Variants in FIGN observed in about 807,000 individuals in gnomAD.
The protein encoded by FIGN is fidgetin.
FIGN carries 11 observed loss-of-function variants against 51.3 expected under a neutral mutation model. The observed-to-expected ratio is 0.21, with a 90% CI of 0.13 to 0.35. FIGN has a LOEUF of 0.35. Ranked by LOEUF, FIGN falls within the 10% of genes least tolerant of loss-of-function variation. The pLI is 1.00. For missense variants in FIGN, 857 were observed against 943.6 expected (o/e 0.91, Z 1.20); for synonymous variants, 407 against 363.2 (o/e 1.12, Z -1.37).
chr2:163,610,968 G>C lies in FIGN; in HGVS notation c.864C>G (p.Thr288=). The C allele has an allele frequency of 6.2e-7, 1 of 1,613,936 alleles. No individual in the cohort carries two copies. The highest frequency in any genetic ancestry group is 2.2e-5 in the East Asian group (1 of 44,836). Residue 288 remains threonine, a synonymous_variant, in exon 3 of 3, where the codon ACC becomes ACG. Coordinates refer to ENST00000333129, the MANE Select transcript of FIGN (RefSeq NM_018086.4). ...GIPAPTPLPP[T]TVPGYTYQGH... is the part of the protein sequence containing the mutation. ...CCTGGTAGGTGTAGCCAGGAACAGT[G>C]GTGGGGGGTAGGGGGGTGGGAGCAG... is the stretch of plus-strand genomic sequence containing the variant.
intron 2 of FIGN, among the ~76,000 whole-genome samples, chr2:163,663,242 T>TG (rs1683719553): frequency 6.6e-6 from 1 of 152,082 alleles, no homozygotes; most frequent in South Asian, 2.1e-4. Flanking sequence ...GTTGGTTTTT[T>TG]TTTTTTGAAG....
intron 2 of FIGN, among the ~76,000 whole-genome samples, chr2:163,667,097 T>C (rs1431432236): frequency 6.6e-6 from 1 of 152,092 alleles, no homozygotes; most frequent in African/African-American, 2.4e-5. Flanking sequence ...GAGGCATAGT[T>C]TCCAGAAATA....
At chr2:163,647,889 G>C (rs1396190770) in intron 2 of FIGN, among the ~76,000 whole-genome samples, 1 of 152,148 alleles carries the variant, frequency 6.6e-6, no homozygotes, top group Non-Finnish European at 1.5e-5. Context: ...TATGTAGAGA[G>C]ACGGAGAGAT....
At chr2:163,723,197 A>C (rs2105364326) in intron 2 of FIGN, among the ~76,000 whole-genome samples, 1 of 151,486 alleles carries the variant, frequency 6.6e-6, no homozygotes, top group Middle Eastern at 3.4e-3. Flanking sequence ...TCTCAAAAAT[A>C]ATAATAATAA....
At chr2:163,698,933 A>C (rs1159648627) in intron 2 of FIGN, among the ~76,000 whole-genome samples, 2 of 152,184 alleles carry the variant, frequency 1.3e-5, no homozygotes, top group Admixed American at 6.6e-5. Flanking sequence ...AACAAAATAC[A>C]TGGAAAAGAA....
At chr2:163,678,338 A>G (rs769577784) in intron 2 of FIGN, among the ~76,000 whole-genome samples, 1 of 151,990 alleles carries the variant, frequency 6.6e-6, no homozygotes, top group Non-Finnish European at 1.5e-5. Flanking sequence ...CTCCCGCCTC[A>G]GCCTCCCGAG....
chr2:163,671,799 T>C (rs566387130), intron 2 of FIGN, among the ~76,000 whole-genome samples: 17 of 152,312 alleles, frequency 1.1e-4, no homozygotes, highest in Non-Finnish European at 4.4e-5. Context: ...CAGGGGCTGA[T>C]ATCAAGTCAC....
chr2:163,724,826 C>T (rs979053104), intron 2 of FIGN, among the ~76,000 whole-genome samples: 6 of 152,074 alleles, frequency 3.9e-5, no homozygotes, highest in Admixed American at 2.6e-4. Flanking sequence ...TATGTTTTCA[C>T]ACTTTTTAAA....
intron 2 of FIGN, among the ~76,000 whole-genome samples, chr2:163,637,161 T>C (rs962221941): frequency 2.6e-5 from 4 of 152,196 alleles, no homozygotes; most frequent in Non-Finnish European, 5.9e-5. Context: ...ATTCACTATT[T>C]GCAAATAAAG....
intron 2 of FIGN, among the ~76,000 whole-genome samples, chr2:163,673,775 T>C (rs1222533640): frequency 6.6e-6 from 1 of 152,098 alleles, no homozygotes; most frequent in Non-Finnish European, 1.5e-5. Flanking sequence ...CATTTGGAGC[T>C]CAGTGTCTGG....
chr2:163,666,878 G>A (rs1039578696), intron 2 of FIGN, among the ~76,000 whole-genome samples: 1 of 146,838 alleles, frequency 6.8e-6, no homozygotes, highest in Non-Finnish European at 1.5e-5. Context: ...TTTCTGACTT[G>A]AGAAGTCTAA....
intron 2 of FIGN, among the ~76,000 whole-genome samples, chr2:163,624,603 G>A (rs756665228): frequency 4.6e-5 from 7 of 151,438 alleles, no homozygotes; most frequent in Non-Finnish European, 8.8e-5. Flanking sequence ...CTGTGGAAAG[G>A]AAATACAGAG....
chr2:163,622,404 T>A (rs189478064), intron 2 of FIGN, among the ~76,000 whole-genome samples: 39 of 152,248 alleles, frequency 2.6e-4, no homozygotes, highest in Admixed American at 2.6e-3. Flanking sequence ...AAGATGTTGT[T>A]ACTTCCAGAT....
chr2:163,686,403 GT>G (rs1473054897), intron 2 of FIGN, among the ~76,000 whole-genome samples: 3 of 152,144 alleles, frequency 2.0e-5, no homozygotes, highest in African/African-American at 7.2e-5. Context: ...GCATGGCAGA[GT>G]CTTTCTAGTG....
At chr2:163,704,656 T>TCTCTCTCTCTCTCTCTCTCA (rs72286438) in intron 2 of FIGN, among the ~76,000 whole-genome samples, 2 of 129,790 alleles carry the variant, frequency 1.5e-5, no homozygotes, top group African/African-American at 6.3e-5. Context: ...TCTCTCTCTC[T>TCTCTCTCTCTCTCTCTCTCA]CACACACACA....
chr2:163,678,346 G>A (rs192504071), intron 2 of FIGN, among the ~76,000 whole-genome samples: 281 of 152,090 alleles, frequency 1.8e-3, no homozygotes, highest in African/African-American at 5.8e-3. Context: ...TCAGCCTCCC[G>A]AGTAGCTGGG....
At chr2:163,651,075 T>C (rs1175573801) in intron 2 of FIGN, among the ~76,000 whole-genome samples, 1 of 152,222 alleles carries the variant, frequency 6.6e-6, no homozygotes, top group Non-Finnish European at 1.5e-5. Context: ...TTAAGTAACG[T>C]TCTGCACATA....
At chr2:163,635,741 G>C (rs1274098569) in intron 2 of FIGN, among the ~76,000 whole-genome samples, 1 of 152,086 alleles carries the variant, frequency 6.6e-6, no homozygotes, top group Non-Finnish European at 1.5e-5. Context: ...ATATCTAATG[G>C]TTAGAGGGCA....
chr2:163,702,935 A>C (rs1573960519), intron 2 of FIGN, among the ~76,000 whole-genome samples: 1 of 151,798 alleles, frequency 6.6e-6, no homozygotes, highest in East Asian at 1.9e-4. Flanking sequence ...CCTTAATTTT[A>C]TGTTTTCCTT....
Sources: gnomAD v4.1 joint callset for allele counts (sites outside exome capture counted in the v4.1 genomes callset) on GRCh38, gnomAD v4.1.1 for gene constraint, MANE v1.5 for transcripts, NCBI Gene and HGNC (gene_info 2026-07-23, HGNC 2026-07-21) for gene names.